The following E2F7 variants were observed in gnomAD, a reference collection of about 807,000 sequenced individuals.
The protein encoded by E2F7 is transcription factor E2F7.
A neutral mutation model predicts 81.1 loss-of-function variants in E2F7; 35 were observed. That is an observed-to-expected ratio of 0.43 (90% CI 0.33 to 0.57). The LOEUF (loss-of-function observed/expected upper bound fraction) is 0.57, where lower values mean the gene tolerates loss of function less well. Ranked by LOEUF, E2F7 falls within the 20% of genes least tolerant of loss-of-function variation. The probability of loss-of-function intolerance (pLI) is 0.04; values close to 1 mark genes in which losing one functional copy is unlikely to be tolerated. For missense variants in E2F7, 961 were observed against 1,093.7 expected (o/e 0.88, Z 1.71); for synonymous variants, 416 against 416.2 (o/e 1.00, Z 0.01).
intron 3 of E2F7, among the ~76,000 whole-genome samples, chr12:77,051,207 C>G (rs1463952715): frequency 6.6e-6 from 1 of 152,128 alleles, no homozygotes; most frequent in Non-Finnish European, 1.5e-5. Context: ...TACAATCGAC[C>G]AAAGGTTGAT....
In E2F7 at chr12:77,021,458, A is replaced by G. The variant is rs1954709636; in HGVS notation, c.*2557T>C. 1 of 152,624 alleles carries G rather than the reference A, an allele frequency of 6.6e-6. No homozygotes were observed. Among genetic ancestry groups the G allele is most frequent in the Non-Finnish European group, 1.5e-5 (1 of 68,034 alleles). The allele number at this position is 152,624 out of a possible 1,614,324, so 9.5% of individuals were successfully genotyped here. A position where few individuals can be genotyped will look rare whatever the true frequency, so the allele number is the denominator to read the frequency against. On this transcript the variant is annotated 3_prime_UTR_variant, in exon 13 of 13. Transcript: ENST00000322886. ...GCAATAAAATTAATACCTACATACA[A>G]CTAGCAGTGCAATAAGATAAGCAGA...
chr12:77,056,204 CATTCA>C, intron 2 of E2F7, 74 bp from the exon 3 acceptor site: 2 of 1,416,734 alleles, frequency 1.4e-6, no homozygotes, highest in South Asian at 2.8e-5. Context: ...TTGTTCCCAC[CATTCA>C]CTAAGACTTG....
At chr12:77,034,094 A>G (rs1406630444) in intron 7 of E2F7, 52 bp from the exon 8 acceptor site, 3 of 1,516,392 alleles carry the variant, frequency 2.0e-6, no homozygotes, top group African/African-American at 1.4e-5. Flanking sequence ...AATTCAGGAT[A>G]ATTTTCGTCT....
In E2F7 at chr12:77,024,026, C is replaced by T. The variant is rs761832050; in HGVS notation, c.2725G>A (p.Gly909Ser). 1.2e-6 allele frequency: 2 copies of T among 1,613,544 alleles called. No homozygotes were observed. Among genetic ancestry groups the T allele is most frequent in the Admixed American group, 1.7e-5 (1 of 59,988 alleles). ...GGCAAAGCGGCAGGTTAGTCAGCGC[C>T]GCCGCTGGGGATTTCTAGTCTCCTC... is the stretch of plus-strand genomic sequence containing the variant. ...AQRRLEIPSG[G>S]AD The change falls in exon 13 of 13, where the codon GGC becomes AGC. Residue 909 changes from glycine (G) to serine (S), a missense_variant. Coordinates refer to ENST00000322886, the MANE Select transcript of E2F7 (RefSeq NM_203394.3).
chr12:77,061,030 T>C (rs1423594812), intron 2 of E2F7, among the ~76,000 whole-genome samples: 1 of 152,202 alleles, frequency 6.6e-6, no homozygotes, highest in Non-Finnish European at 1.5e-5. Context: ...CTTTCTCTCC[T>C]GGTTCTTCTC....
Position 77,022,497 on chromosome 12 carries a change from C to A in E2F7, c.*1518G>T, listed in dbSNP as rs578244318. ...TTAATATAAAGCTACTTTATTCAGA[C>A]TCCCAGAGTCTCTTAAATTAATATT... On this transcript the variant is annotated 3_prime_UTR_variant, in exon 13 of 13. Coordinates refer to ENST00000322886, the MANE Select transcript of E2F7 (RefSeq NM_203394.3). 6 of 152,586 alleles carry A rather than the reference C, an allele frequency of 3.9e-5. No homozygotes were observed. The South Asian group carries it at 1.2e-3, about 32-fold the overall frequency. 9.5% of individuals were successfully genotyped at this position (152,586 alleles called of 1,614,324 possible). A position where few individuals can be genotyped will look rare whatever the true frequency, so the allele number is the denominator to read the frequency against.
intron 4 of E2F7, among the ~76,000 whole-genome samples, chr12:77,046,803 C>T (rs1350273071): frequency 6.6e-6 from 1 of 152,204 alleles, no homozygotes; most frequent in African/African-American, 2.4e-5. Flanking sequence ...ACTGTCTATC[C>T]TTTCGTGAAG....
At chr12:77,042,954 G>T in intron 7 of E2F7, 111 bp downstream of exon 7, 1 of 1,520,626 alleles carries the variant, frequency 6.6e-7, no homozygotes, top group African/African-American at 1.4e-5. Flanking sequence ...AGTCTATTTT[G>T]TATGTGACAT....
At position 77,030,115 on chromosome 12, in the gene E2F7, C is replaced by T. The variant is rs957855107; in HGVS notation, c.1600G>A (p.Glu534Lys). The stretch of plus-strand genomic sequence containing the variant: ...GCAAGGAGTGCTGGCTTCAGGCTCT[C>T]CACAGCAGAGGCTGCAGAAGCAAGT... ...VSLASAASAV[E>K]SLKPALLAGQ... is the part of the protein sequence containing the mutation. The change falls in exon 10 of 13, where the codon GAG becomes AAG. Residue 534 changes from glutamate (E) to lysine (K), a missense_variant. Glu to Lys is a moderately conservative substitution (Grantham distance 56). This residue lies in a region of E2F7 where 587 missense variants were observed against 620.3 expected (regional missense o/e 0.95). Coordinates refer to ENST00000322886, the MANE Select transcript of E2F7 (RefSeq NM_203394.3). 3.0e-5 allele frequency: 48 copies of T among 1,614,078 alleles called. No homozygotes were observed. The highest frequency in any genetic ancestry group is 4.1e-5 in the Non-Finnish European group (48 of 1,180,046).
chr12:77,025,065 G>C (rs1592552196), intron 12 of E2F7, among the ~76,000 whole-genome samples: 1 of 151,978 alleles, frequency 6.6e-6, no homozygotes, highest in African/African-American at 2.4e-5. Context: ...TATTATAGAT[G>C]TATATACATA....
chr12:77,050,950 AG>A (rs1366912934), intron 3 of E2F7, among the ~76,000 whole-genome samples: 2 of 152,102 alleles, frequency 1.3e-5, no homozygotes, highest in East Asian at 3.9e-4. Flanking sequence ...TTATAATTTG[AG>A]GCTGAGTCTA....
chr12:77,042,520 C>T (rs1183196589), intron 7 of E2F7, among the ~76,000 whole-genome samples: 2 of 152,242 alleles, frequency 1.3e-5, no homozygotes, highest in African/African-American at 4.8e-5. Flanking sequence ...GATTAATATC[C>T]TCTTTGACTC....
At chr12:77,063,890 G>A (rs1248716468) in intron 2 of E2F7, among the ~76,000 whole-genome samples, 1 of 152,172 alleles carries the variant, frequency 6.6e-6, no homozygotes, top group Non-Finnish European at 1.5e-5. Context: ...CTATTTGCCT[G>A]TGCCTAAAAA....
chr12:77,027,862 A>C (rs991692173), intron 11 of E2F7, 21 bp downstream of exon 11: 1 of 1,612,260 alleles, frequency 6.2e-7, no homozygotes, highest in African/African-American at 1.3e-5. Flanking sequence ...AGGGACTCTA[A>C]GACATGATGA....
chr12:77,046,413 G>T, intron 4 of E2F7, 85 bp from the exon 5 acceptor site: 2 of 1,433,222 alleles, frequency 1.4e-6, no homozygotes, highest in Non-Finnish European at 1.9e-6. Context: ...CTATATCTGT[G>T]AACTACTTTG....
intron 3 of E2F7, among the ~76,000 whole-genome samples, chr12:77,055,480 A>G (rs1450941946): frequency 2.0e-5 from 3 of 152,138 alleles, no homozygotes; most frequent in Non-Finnish European, 4.4e-5. Context: ...CTGAACATAT[A>G]TAAGAATAAT....
In E2F7 at chr12:77,024,128, T is replaced by C; in HGVS notation, c.2623A>G (p.Lys875Glu). ...IQRTHRETFF[K>E]TPGSLGDPVL... is the part of the protein sequence containing the mutation. Reference sequence around the variant, plus strand: ...GGGTCTCCAAGGCTGCCGGGTGTCTTGAAAAACGTCTCACGATGTGTGCGT... The same window carrying C: ...GGGTCTCCAAGGCTGCCGGGTGTCTCGAAAAACGTCTCACGATGTGTGCGT... The change falls in exon 13 of 13, where the codon AAG becomes GAG. Residue 875 changes from lysine to glutamate, a missense_variant. By Grantham distance (56) the Lys-to-Glu change is moderately conservative (BLOSUM62 1). Coordinates refer to ENST00000322886, the MANE Select transcript of E2F7 (RefSeq NM_203394.3). 1 of 1,613,992 alleles carries C rather than the reference T, an allele frequency of 6.2e-7. No homozygotes were observed. The highest frequency in any genetic ancestry group is 1.1e-5 in the South Asian group (1 of 91,042).
chr12:77,056,165 A>T, intron 2 of E2F7, 35 bp from the exon 3 acceptor site: 1 of 1,551,164 alleles, frequency 6.4e-7, no homozygotes, highest in Non-Finnish European at 8.7e-7. Flanking sequence ...CAAGAATGAG[A>T]AAGGGCAGGT....
At chr12:77,027,339 T>A (rs957492442) in intron 11 of E2F7, among the ~76,000 whole-genome samples, 1 of 152,238 alleles carries the variant, frequency 6.6e-6, no homozygotes, top group African/African-American at 2.4e-5. Context: ...CTAAGTGCTT[T>A]AGATGTATTA....
Sources: gnomAD v4.1 joint callset for allele counts (sites outside exome capture counted in the v4.1 genomes callset) on GRCh38, gnomAD v4.1.1 for gene constraint, gnomAD v4.1.1 regional missense constraint, MANE v1.5 for transcripts, NCBI Gene and HGNC (gene_info 2026-07-23, HGNC 2026-07-21) for gene names.